The following P4HA3 variants were observed in gnomAD, a reference collection of about 807,000 sequenced individuals.
The protein encoded by P4HA3 is prolyl 4-hydroxylase subunit alpha-3.
Under a neutral mutation model 66.7 loss-of-function variants are expected in P4HA3, and 60 were observed. The observed-to-expected ratio is 0.90, with a 90% confidence interval of 0.73 to 1.12. The LOEUF (loss-of-function observed/expected upper bound fraction) is 1.12. Among genes scored for constraint, P4HA3 ranks in the 50% most tolerant of loss-of-function variants. The pLI, the probability that P4HA3 is intolerant of heterozygous loss-of-function variation, is 0.00. For synonymous variants in P4HA3, 263 were observed against 274.6 expected, an observed-to-expected ratio of 0.96 and a Z score of 0.42; for missense variants, 683 against 685.8, an observed-to-expected ratio of 1.00 and a Z score of 0.05.
At position 74,307,464 on chromosome 11, in the gene P4HA3, G is replaced by A. The variant is rs1235889993; in HGVS notation, c.201-3052C>T. On this transcript the variant is annotated intron_variant, in intron 1 of 12. Transcript: ENST00000331597. ...TTTGGGGTTGATTTGTTTAGGTCAG[G>A]GTTTGATCTCTATTGCAGCACATCA... Among the ~76,000 whole-genome samples, 3 of 152,080 alleles carry A rather than the reference G, an allele frequency of 2.0e-5. No individual in the cohort carries two copies. In the East Asian group the frequency reaches 5.8e-4, roughly 29 times the overall value.
intron 4 of P4HA3, among the ~76,000 whole-genome samples, chr11:74,290,858 T>C (rs1274336819): frequency 6.6e-6 from 1 of 152,208 alleles, no homozygotes; most frequent in Non-Finnish European, 1.5e-5. Context: ...CCTTGTAGTA[T>C]AGTTTGAAGT....
chr11:74,264,603 G>A (rs949830203), downstream of P4HA3, among the ~76,000 whole-genome samples: 1 of 152,124 alleles, frequency 6.6e-6, no homozygotes, highest in African/African-American at 2.4e-5. Context: ...TGCCAGCAAC[G>A]GCCTGGCACT....
chr11:74,277,191 T>C (rs765673770), intron 8 of P4HA3, 47 bp from the exon 9 acceptor site: 21 of 1,566,708 alleles, frequency 1.3e-5, no homozygotes, highest in Non-Finnish European at 1.8e-5. Context: ...TTGCCCGAAA[T>C]GACTAAATGA....
intron 2 of P4HA3, among the ~76,000 whole-genome samples, chr11:74,303,806 A>G (rs1861492819): frequency 6.6e-6 from 1 of 151,670 alleles, no homozygotes; most frequent in East Asian, 1.9e-4. Flanking sequence ...CTGGTCTGGA[A>G]CTCCTGACCT....
At chr11:74,296,330 C>T (rs1444593028) in intron 4 of P4HA3, among the ~76,000 whole-genome samples, 1 of 152,194 alleles carries the variant, frequency 6.6e-6, no homozygotes, top group East Asian at 1.9e-4. Context: ...CCACTGTACT[C>T]TACCATCTCT....
chr11:74,281,307 T>A (rs1283702656), intron 7 of P4HA3, among the ~76,000 whole-genome samples: 1 of 151,714 alleles, frequency 6.6e-6, no homozygotes, highest in Non-Finnish European at 1.5e-5. Context: ...ATTGTGGAAG[T>A]CAGTGTGGCA....
At chr11:74,270,600 A>G (rs1323103550) in intron 10 of P4HA3, among the ~76,000 whole-genome samples, 1 of 152,248 alleles carries the variant, frequency 6.6e-6, no homozygotes, top group African/African-American at 2.4e-5. Context: ...ATGTCCTTGC[A>G]AATATATTAT....
intron 1 of P4HA3, 93 bp downstream of exon 1, chr11:74,311,319 G>T: frequency 7.6e-7 from 1 of 1,321,488 alleles, no homozygotes; most frequent in Non-Finnish European, 9.9e-7. Context: ...ATGACAATGA[G>T]CCTGGGGTCA....
At chr11:74,282,534 G>A (rs11236044) in intron 7 of P4HA3, among the ~76,000 whole-genome samples, 23,545 of 152,060 alleles carry the variant, frequency 0.15, 2,124 homozygotes, top group East Asian at 0.3. Flanking sequence ...GTCAAGTGCC[G>A]GGGGAGATGT....
At chr11:74,267,403 G>A (rs1389624689) in intron 12 of P4HA3, 85 bp from the exon 13 acceptor site, 35 of 1,492,496 alleles carry the variant, frequency 2.3e-5, no homozygotes, top group East Asian at 2.3e-4. Flanking sequence ...ACTCATAGGC[G>A]CGTGTGAGTG....
intron 10 of P4HA3, among the ~76,000 whole-genome samples, chr11:74,272,573 G>A (rs1199912285): frequency 1.3e-5 from 2 of 152,154 alleles, no homozygotes; most frequent in South Asian, 4.1e-4. Context: ...GTACAGAACT[G>A]AGCCACATAG....
intron 9 of P4HA3, among the ~76,000 whole-genome samples, chr11:74,274,315 T>TG (rs958773336): frequency 6.6e-6 from 1 of 151,218 alleles, no homozygotes; most frequent in Non-Finnish European, 1.5e-5. Flanking sequence ...TTTTTTTTTT[T>TG]TTGTTTTTGA....
intron 15 of P4HA3, chr11:74,251,278 C>T (rs954872033): frequency 1.5e-6 from 2 of 1,365,148 alleles, no homozygotes; most frequent in Non-Finnish European, 1.9e-6. Flanking sequence ...CTCTACTTCT[C>T]CAATACCCCC....
In P4HA3 at chr11:74,285,889, G is replaced by C. The variant is rs1437881573; in HGVS notation, c.1030C>G (p.Leu344Val). ...LQPIRKEVIH[L>V]EPYIALYHDF... The stretch of plus-strand genomic sequence containing the variant: ...TGGTAGAGAGCAATGTAGGGCTCCA[G>C]GTGGATGACCTCCTTCCGGATGGGC... Residue 344 changes from leucine (L) to valine (V), a missense_variant, in exon 7 of 13, where the codon CTG becomes GTG. By Grantham distance (32) the Leu-to-Val change is conservative. Coordinates refer to ENST00000331597, the MANE Select transcript of P4HA3 (RefSeq NM_182904.5). The C allele has an allele frequency of 6.2e-6, 10 of 1,613,710 alleles. No homozygotes were observed. Among genetic ancestry groups the C allele is most frequent in the Non-Finnish European group, 8.5e-6 (10 of 1,179,722 alleles).
At chr11:74,275,928 A>G (rs1316175) in intron 9 of P4HA3, among the ~76,000 whole-genome samples, 1 of 152,234 alleles carries the variant, frequency 6.6e-6, no homozygotes, top group African/African-American at 2.4e-5. Flanking sequence ...TTGATTTGAT[A>G]AAGAAAATAA....
intron 2 of P4HA3, 100 bp downstream of exon 2, chr11:74,304,170 C>T: frequency 6.9e-7 from 1 of 1,451,974 alleles, no homozygotes; most frequent in Non-Finnish European, 9.4e-7. Flanking sequence ...CCACCTACTC[C>T]ATTACCCTTT....
intron 1 of P4HA3, 57 bp from the exon 2 acceptor site, chr11:74,304,469 A>C: frequency 6.3e-7 from 1 of 1,589,204 alleles, no homozygotes; most frequent in South Asian, 1.1e-5. Flanking sequence ...CACCTAGGGA[A>C]GGCTGGCATG....
At chr11:74,294,048 A>G (rs1486364121) in intron 4 of P4HA3, among the ~76,000 whole-genome samples, 2 of 152,222 alleles carry the variant, frequency 1.3e-5, no homozygotes, top group Admixed American at 1.3e-4. Context: ...GTGTTTTCCA[A>G]CTTGGTTCCA....
At chr11:74,276,617 C>A (rs2134740645) in intron 9 of P4HA3, among the ~76,000 whole-genome samples, 1 of 152,154 alleles carries the variant, frequency 6.6e-6, no homozygotes, top group Admixed American at 6.5e-5. Context: ...CCCCATGAAT[C>A]TAAAATTTTA....
Sources: allele counts gnomAD v4.1 joint callset (sites outside exome capture counted in the v4.1 genomes callset), GRCh38; gene constraint gnomAD v4.1.1; transcripts MANE v1.5; gene names NCBI Gene and HGNC (gene_info 2026-07-23, HGNC 2026-07-21).